Variants in NEB observed in about 807,000 individuals in gnomAD.
NEB encodes nemaline myopathy type 2.
In NEB, 512 loss-of-function variants were observed where a neutral mutation model predicts 952.2. The observed-to-expected ratio is 0.54, with a 90% CI of 0.50 to 0.58. NEB has a LOEUF of 0.58. Among genes scored for constraint, NEB ranks in the 20% least tolerant of loss-of-function variants. The pLI is 0.00. For missense variants in NEB, 8,428 were observed against 9,231.1 expected (o/e 0.91, Z 3.56); for synonymous variants, 2,900 against 3,149.8 (o/e 0.92, Z 2.66).
intron 3 of NEB, among the ~76,000 whole-genome samples, chr2:151,731,744 A>G (rs1464839708): frequency 6.6e-6 from 1 of 152,212 alleles, no homozygotes; most frequent in African/African-American, 2.4e-5. Flanking sequence ...AATTATTTTA[A>G]GAAAGACAAG....
intron 40 of NEB, among the ~76,000 whole-genome samples, chr2:151,667,535 G>C (rs1239942933): frequency 5.3e-5 from 8 of 151,734 alleles, no homozygotes; most frequent in Admixed American, 4.6e-4. Flanking sequence ...ATCACATATA[G>C]ATTTTTTTTT....
At chr2:151,573,181 T>C (rs2096706328) in intron 107 of NEB, among the ~76,000 whole-genome samples, 1 of 152,220 alleles carries the variant, frequency 6.6e-6, no homozygotes, top group Admixed American at 6.5e-5. Flanking sequence ...AAGAAAATGC[T>C]GTATAGTTTG....
In NEB at chr2:151,547,422, T is replaced by C. The variant is rs1245262853; in HGVS notation, c.20367+7A>G. On this transcript the variant is annotated splice_region_variant and intron_variant, in intron 133 of 181. Coordinates refer to ENST00000397345, the MANE Select transcript of NEB (RefSeq NM_001164508.2). ...CTACTCCAGAAAGACCCCTACGAGATGCTTACATCACTGGTGATGTCTCCC... is the reference window on the plus strand; with the variant it reads ...CTACTCCAGAAAGACCCCTACGAGACGCTTACATCACTGGTGATGTCTCCC... 6 of 1,581,866 alleles carry C rather than the reference T, an allele frequency of 3.8e-6. No individual in the cohort carries two copies. The highest frequency in any genetic ancestry group is 3.4e-6 in the Non-Finnish European group (4 of 1,160,758).
At chr2:151,498,233 A>ATTTT (rs1052587221) in intron 170 of NEB, 27 bp downstream of exon 170, 1 of 1,550,762 alleles carries the variant, frequency 6.4e-7, no homozygotes, top group Non-Finnish European at 8.7e-7. Flanking sequence ...GTTAAGTGGC[A>ATTTT]TTTTTTCCCC....
chr2:151,686,456 T>C (rs1278682756), intron 27 of NEB, among the ~76,000 whole-genome samples: 8 of 152,202 alleles, frequency 5.3e-5, no homozygotes, highest in Admixed American at 2.0e-4. Flanking sequence ...TGGGGAGTTA[T>C]ATCCTTCTTG....
rs771483221 is a variant in NEB, at chr2:151,551,770, G to C, written c.19912C>G (p.Arg6638Gly). The change falls in exon 129 of 182, where the codon CGG becomes GGG. Residue 6638 changes from arginine to glycine, a missense_variant. Physicochemically the swap from Arg to Gly is moderately radical, Grantham distance 125. Around this residue, in one of 11 missense-constraint regions of NEB, gnomAD observed 3,374 missense variants for 3,651.5 expected, o/e 0.92. Transcript: ENST00000397345. ...TGGAGCTTGTATGCATGAAGGGCCCGGTCCAGATCCACGGTTTTGGTAGTT... is the reference window on the plus strand; with the variant it reads ...TGGAGCTTGTATGCATGAAGGGCCCCGTCCAGATCCACGGTTTTGGTAGTT... ...APTTKTVDLD[R>G]ALHAYKLQSS... is the part of the protein sequence containing the mutation. The C allele has an allele frequency of 8.1e-6, 13 of 1,613,444 alleles. No individual in the cohort carries two copies. Among genetic ancestry groups the C allele is most frequent in the Non-Finnish European group, 1.1e-5 (13 of 1,179,670 alleles).
In NEB at chr2:151,629,595, G is replaced by A. The variant is rs1301228529; in HGVS notation, c.9775C>T (p.Arg3259Ter). The A allele has an allele frequency of 4.3e-6, 7 of 1,613,702 alleles. No homozygotes were observed. Among genetic ancestry groups the A allele is most frequent in the South Asian group, 1.1e-5 (1 of 91,082 alleles). Reference sequence around the variant, plus strand: ...GCCACGATGGGGATGGCGTCACTTCGCAAGTCGTAGCCTTTCTTTTTTGCT... The same window carrying A: ...GCCACGATGGGGATGGCGTCACTTCACAAGTCGTAGCCTTTCTTTTTTGCT... Reference protein sequence around the residue: ...EEAKKKGYDLRSDAIPIVAAK... With the variant: ...EEAKKKGYDL Residue 3259 changes from arginine (R) to a stop codon, truncating the protein, a stop_gained, in exon 68 of 182, where the codon CGA (arginine) becomes TGA (stop). Transcript: ENST00000397345. LOFTEE classifies it high-confidence loss of function.
intron 12 of NEB, among the ~76,000 whole-genome samples, chr2:151,707,998 C>T (rs1429936230): frequency 5.3e-5 from 8 of 152,130 alleles, no homozygotes; most frequent in African/African-American, 1.9e-4. Flanking sequence ...ACTTTACTCT[C>T]CCCCTACCCG....
chr2:151,497,889 C>T (rs769143211), intron 170 of NEB, 171 bp from the exon 171 acceptor site: 156 of 1,487,080 alleles, frequency 1.0e-4, no homozygotes, highest in Non-Finnish European at 1.4e-4. Flanking sequence ...GAATCTGCAC[C>T]CTCTAGAGAA....
Position 151,568,613 on chromosome 2 carries a change from C to T in NEB, c.17634+5G>A, listed in dbSNP as rs749700121. ...TGTGAGATTTTAAAACAGCCATATA[C>T]TTACATCATCGAGGATCTCGCCACT... is the stretch of plus-strand genomic sequence containing the variant. On this transcript the variant is annotated splice_donor_5th_base_variant and intron_variant, in intron 111 of 181. Coordinates refer to ENST00000397345, the MANE Select transcript of NEB (RefSeq NM_001164508.2). 4.2e-5 allele frequency: 67 copies of T among 1,597,622 alleles called. No individual in the cohort carries two copies. The highest frequency in any genetic ancestry group is 5.5e-5 in the Non-Finnish European group (64 of 1,169,702).
chr2:151,612,179 G>C lies in NEB; in HGVS notation c.11805+7C>G, dbSNP rs2153982791. On this transcript the variant is annotated splice_region_variant and intron_variant, in intron 78 of 181. Transcript: ENST00000397345. Reference sequence around the variant, plus strand: ...ATTCTGGCAACAGAAAACAGCTGGAGACTCACCTTGCTCATTGTCAGGGCA... The same window carrying C: ...ATTCTGGCAACAGAAAACAGCTGGACACTCACCTTGCTCATTGTCAGGGCA... 1 of 1,611,516 alleles carries C rather than the reference G, an allele frequency of 6.2e-7. No individual in the cohort carries two copies. The highest frequency in any genetic ancestry group is 2.2e-5 in the East Asian group (1 of 44,832).
At chr2:151,512,029 T>C (rs2074851033) in intron 161 of NEB, among the ~76,000 whole-genome samples, 4 of 66,102 alleles carry the variant, frequency 6.1e-5, no homozygotes, top group Non-Finnish European at 9.7e-5. Context: ...CTTTTTTTTT[T>C]TTTTTTTTTT....
At chr2:151,535,583 T>G in intron 142 of NEB, 108 bp downstream of exon 142, 1 of 632,456 alleles carries the variant, frequency 1.6e-6, no homozygotes, top group Non-Finnish European at 2.7e-6. Context: ...AATGAAAACT[T>G]AGGATGGCTT....
intron 96 of NEB, 144 bp downstream of exon 96, chr2:151,591,204 G>GCCCT (rs2097249385): frequency 5.6e-6 from 2 of 357,418 alleles, no homozygotes; most frequent in Non-Finnish European, 1.2e-5. Flanking sequence ...CAGATTGTAA[G>GCCCT]AGTTGTTCTT....
chr2:151,728,509 A>C (rs1378761157), intron 4 of NEB, among the ~76,000 whole-genome samples: 1 of 152,216 alleles, frequency 6.6e-6, no homozygotes, highest in Non-Finnish European at 1.5e-5. Context: ...TGTGAACCGG[A>C]GTGCCATTTA....
chr2:151,522,015 T>C (rs1250157825), intron 153 of NEB, among the ~76,000 whole-genome samples: 1 of 152,200 alleles, frequency 6.6e-6, no homozygotes, highest in Admixed American at 6.5e-5. Context: ...GTGAAGCTTT[T>C]TCCCATTAAC....
rs1409583328 is a variant in NEB at position 151,656,142 on chromosome 2, G to A, written c.6495+11C>T. ...GATTCCAACCATCACCCAAGTAGAAGAAAGCCTTACATCACTCTGTATGCG... is the reference window on the plus strand; with the variant it reads ...GATTCCAACCATCACCCAAGTAGAAAAAAGCCTTACATCACTCTGTATGCG... On this transcript the variant is annotated intron_variant, in intron 49 of 181. Transcript: ENST00000397345. 6.3e-7 allele frequency: 1 copy of A among 1,576,402 alleles called. No individual in the cohort carries two copies. Among genetic ancestry groups the A allele is most frequent in the South Asian group, 1.2e-5 (1 of 83,824 alleles).
intron 34 of NEB, among the ~76,000 whole-genome samples, chr2:151,675,890 A>C (rs1378518177): frequency 6.6e-6 from 1 of 152,218 alleles, no homozygotes; most frequent in Non-Finnish European, 1.5e-5. Context: ...TAGCATACTC[A>C]AAAGGCTCAC....
At chr2:151,552,480 A>G (rs868624524) in intron 128 of NEB, among the ~76,000 whole-genome samples, 192 bp downstream of exon 128, 1 of 152,360 alleles carries the variant, frequency 6.6e-6, no homozygotes, top group East Asian at 1.9e-4. Context: ...ACTCCGCCCC[A>G]GCAAACTGCT....
Sources: allele counts gnomAD v4.1 joint callset (sites outside exome capture counted in the v4.1 genomes callset), GRCh38; gene constraint gnomAD v4.1.1; regional missense constraint gnomAD v4.1.1; transcripts MANE v1.5; gene names NCBI Gene and HGNC (gene_info 2026-07-23, HGNC 2026-07-21).